FHOD3: variants seen among roughly 807,000 people sequenced by gnomAD.
The protein encoded by FHOD3 is formin homology 2 domain containing 3, also known as FH1/FH2 domain-containing protein 3.
FHOD3 carries 90 observed loss-of-function variants against 173.0 expected under a neutral mutation model. That is an observed-to-expected ratio of 0.52 (90% CI 0.44 to 0.62). FHOD3 has a LOEUF of 0.62. Ranked by LOEUF, FHOD3 falls within the 20% of genes least tolerant of loss-of-function variation. FHOD3 has a pLI of 0.00. For synonymous variants in FHOD3, 828 were observed against 823.0 expected (o/e 1.01, Z -0.10); for missense variants, 1,945 against 2,034.7 (o/e 0.96, Z 0.85).
intron 3 of FHOD3, among the ~76,000 whole-genome samples, chr18:36,410,779 C>T (rs1287934952): frequency 1.3e-5 from 2 of 152,080 alleles, no homozygotes; most frequent in African/African-American, 2.4e-5. Flanking sequence ...TTCTCATGTG[C>T]CTATTGGGCA....
chr18:36,333,032 G>A (rs939944816), intron 1 of FHOD3, among the ~76,000 whole-genome samples: 2 of 152,206 alleles, frequency 1.3e-5, no homozygotes, highest in Admixed American at 1.3e-4. Context: ...TGAGAGCAAA[G>A]ATTGTTTTCA....
At chr18:36,443,439 A>G (rs1293243985) in intron 3 of FHOD3, among the ~76,000 whole-genome samples, 2 of 152,146 alleles carry the variant, frequency 1.3e-5, no homozygotes, top group Non-Finnish European at 2.9e-5. Context: ...TTGTTGCTCA[A>G]ATTGTTCCAG....
chr18:36,462,581 C>CGGCATACGA (rs141276638), intron 3 of FHOD3, among the ~76,000 whole-genome samples: 10,538 of 152,062 alleles, frequency 0.069, 667 homozygotes, highest in East Asian at 0.25. Context: ...TCGCCTGCCT[C>CGGCATACGA]GGCATCCCAA....
At chr18:36,607,233 G>T (rs1045324666) in intron 8 of FHOD3, among the ~76,000 whole-genome samples, 1 of 152,174 alleles carries the variant, frequency 6.6e-6, no homozygotes, top group Non-Finnish European at 1.5e-5. Context: ...ATGGCTCCAC[G>T]GCTCTTGTAT....
Position 36,611,993 on chromosome 18 carries a change from C to T in FHOD3, c.855C>T (p.Val285=), listed in dbSNP as rs139700928. ...GLPDQDTFYD[V]VDCLEELGIA... is the part of the protein sequence containing the mutation. ...CAGACCAAGACACCTTCTACGACGT[C>T]GTGGACTGCCTGGAGGAGCTGGGCA... Residue 285 remains valine, a synonymous_variant, in exon 9 of 29, where the codon GTC becomes GTT. Transcript: ENST00000590592. 9 of 1,614,008 alleles carry T rather than the reference C, an allele frequency of 5.6e-6. No individual in the cohort carries two copies. Among genetic ancestry groups the T allele is most frequent in the Admixed American group, 1.7e-5 (1 of 59,990 alleles).
At chr18:36,460,891 C>T (rs2052508894) in intron 3 of FHOD3, among the ~76,000 whole-genome samples, 1 of 152,192 alleles carries the variant, frequency 6.6e-6, no homozygotes, top group Admixed American at 6.5e-5. Flanking sequence ...GCTCCCCCTT[C>T]ACCTGCTGAA....
intron 6 of FHOD3, among the ~76,000 whole-genome samples, chr18:36,580,979 T>G (rs1472734988): frequency 1.3e-5 from 2 of 152,214 alleles, no homozygotes; most frequent in East Asian, 3.9e-4. Context: ...TCACTGTGTT[T>G]TCATAATTCA....
chr18:36,653,914 A>G lies in FHOD3; in HGVS notation c.1721+498A>G, dbSNP rs377579207. On this transcript the variant is annotated intron_variant, in intron 13 of 28. Coordinates refer to ENST00000590592, the MANE Select transcript of FHOD3 (RefSeq NM_001281740.3). Reference sequence around the variant, plus strand: ...TTGAGAGGTAGGTTCTATTACAAGCATTTACTACACTGAGGAAACTGAGGC... The same window carrying G: ...TTGAGAGGTAGGTTCTATTACAAGCGTTTACTACACTGAGGAAACTGAGGC... 1.5e-4 allele frequency among the ~76,000 whole-genome samples: 23 copies of G among 152,332 alleles called. No homozygotes were observed. The East Asian group carries it at 3.1e-3, about 20-fold the overall frequency.
chr18:36,328,671 T>C (rs2044808868), intron 1 of FHOD3, among the ~76,000 whole-genome samples: 1 of 152,048 alleles, frequency 6.6e-6, no homozygotes, highest in Non-Finnish European at 1.5e-5. Context: ...AGGTGGATGA[T>C]GTTGGGAGAA....
intron 14 of FHOD3, among the ~76,000 whole-genome samples, chr18:36,659,476 C>G (rs1157034136): frequency 6.6e-6 from 1 of 152,188 alleles, no homozygotes; most frequent in African/African-American, 2.4e-5. Context: ...ATACAGATGA[C>G]CCTTGTCAAA....
chr18:36,573,136 G>T (rs1428734985), intron 5 of FHOD3, among the ~76,000 whole-genome samples: 1 of 146,050 alleles, frequency 6.8e-6, no homozygotes, highest in African/African-American at 2.6e-5. Flanking sequence ...ACATTATTCA[G>T]TCTTATTTTT....
chr18:36,594,479 T>G (rs2029962132), intron 6 of FHOD3, among the ~76,000 whole-genome samples: 1 of 152,090 alleles, frequency 6.6e-6, no homozygotes, highest in African/African-American at 2.4e-5. Context: ...ATACTCGTGT[T>G]TGAGAGTTGC....
chr18:36,766,229 G>A lies in FHOD3; in HGVS notation c.4625-3036G>A, dbSNP rs531029664. On this transcript the variant is annotated intron_variant, in intron 27 of 28. Transcript: ENST00000590592. ...ACAGAAGTCTATCTTCAGAGAAATC[G>A]TCTTTCAGAAATGAAAGCAAACTTT... Among the ~76,000 whole-genome samples, 11 of 152,196 alleles carry A rather than the reference G, an allele frequency of 7.2e-5. No individual in the cohort carries two copies. In the East Asian group the frequency reaches 7.7e-4, roughly 11 times the overall value.
intron 25 of FHOD3, 44 bp from the exon 26 acceptor site, chr18:36,759,074 C>G (rs2042756668): frequency 6.5e-7 from 1 of 1,534,374 alleles, no homozygotes; most frequent in African/African-American, 1.4e-5. Context: ...TCTAAGAATC[C>G]CTTCTGTCTT....
At chr18:36,674,184 G>A (rs1241827321) in intron 14 of FHOD3, among the ~76,000 whole-genome samples, 4 of 152,078 alleles carry the variant, frequency 2.6e-5, no homozygotes, top group South Asian at 2.1e-4. Context: ...CCTGAGTTTT[G>A]GTGACACTGA....
At chr18:36,779,181 T>C in intron 28 of FHOD3, 2 of 506,218 alleles carry the variant, frequency 4.0e-6, no homozygotes, top group Admixed American at 6.6e-5. Flanking sequence ...CTCTCCTCTT[T>C]ATAAGTGCCC....
intron 10 of FHOD3, among the ~76,000 whole-genome samples, chr18:36,645,483 G>C (rs1476500977): frequency 2.6e-5 from 4 of 152,078 alleles, no homozygotes; most frequent in East Asian, 3.9e-4. Context: ...GCCATGACAG[G>C]AGGGATGCTA....
rs1199434314 is a variant in FHOD3, at chr18:36,693,203, T to G, written c.2022-6T>G. ...TGACGGAAACCCTTTGGAATTTAAC[T>G]TTCAGATACAAATACTTGGAACAGT... is the stretch of plus-strand genomic sequence containing the variant. On this transcript the variant is annotated splice_polypyrimidine_tract_variant and splice_region_variant and intron_variant, in intron 16 of 28. Transcript: ENST00000590592. 1 of 1,611,384 alleles carries G rather than the reference T, an allele frequency of 6.2e-7. No homozygotes were observed. Among genetic ancestry groups the G allele is most frequent in the Non-Finnish European group, 8.5e-7 (1 of 1,178,852 alleles).
chr18:36,604,532 G>A (rs138743671), intron 8 of FHOD3, among the ~76,000 whole-genome samples: 4 of 152,238 alleles, frequency 2.6e-5, no homozygotes, highest in East Asian at 1.9e-4. Context: ...TGGTGGGGAC[G>A]GGTTAGGTAC....
Sources: allele counts gnomAD v4.1 joint callset (sites outside exome capture counted in the v4.1 genomes callset), GRCh38; gene constraint gnomAD v4.1.1; transcripts MANE v1.5; gene names NCBI Gene and HGNC (gene_info 2026-07-23, HGNC 2026-07-21).